SIPA1L1: variants seen among roughly 807,000 people sequenced by gnomAD.
SIPA1L1 encodes signal-induced proliferation-associated 1-like protein 1.
A neutral mutation model predicts 162.7 loss-of-function variants in SIPA1L1; 26 were observed. The ratio of observed to expected loss-of-function variants is 0.16; its 90% CI spans 0.12 to 0.22. SIPA1L1 has a LOEUF of 0.22. Ranked by LOEUF, SIPA1L1 falls within the 10% of genes least tolerant of loss-of-function variation. SIPA1L1 has a pLI of 1.00. For missense variants in SIPA1L1, 1,874 were observed against 2,241.0 expected (o/e 0.84, Z 3.31); for synonymous variants, 829 against 837.4 (o/e 0.99, Z 0.17).
chr14:71,468,916 G>A (rs2047233268), intron 2 of SIPA1L1, among the ~76,000 whole-genome samples: 1 of 152,050 alleles, frequency 6.6e-6, no homozygotes, highest in African/African-American at 2.4e-5. Context: ...ATTCATTTTG[G>A]ATGAGTTCTA....
chr14:71,462,107 A>G (rs1045453164), intron 2 of SIPA1L1, among the ~76,000 whole-genome samples: 8 of 152,184 alleles, frequency 5.3e-5, no homozygotes, highest in Non-Finnish European at 1.0e-4. Context: ...AAGGCACCCA[A>G]TTCATGATAG....
rs561593952 is a variant in SIPA1L1 at position 71,439,924 on chromosome 14, C to A, written c.-464-72819C>A. ...GGTTGACTTATTTTTAGAAGCCACT[C>A]CCTATTAACTCATTTAATTCCTGTT... On this transcript the variant is annotated intron_variant, in intron 2 of 23. Transcript: ENST00000381232. Among the ~76,000 whole-genome samples the A allele has an allele frequency of 6.7e-4, 102 of 152,238 alleles. 1 individual carries two copies. Among genetic ancestry groups the A allele is most frequent in the Non-Finnish European group, 1.3e-3 (90 of 68,024 alleles).
chr14:71,564,239 A>G (rs963757815), intron 4 of SIPA1L1, among the ~76,000 whole-genome samples: 1 of 152,130 alleles, frequency 6.6e-6, no homozygotes, highest in Non-Finnish European at 1.5e-5. Flanking sequence ...ATGAGCTGCA[A>G]TATCTGGCCT....
At chr14:71,378,683 A>AT (rs909447073) in intron 2 of SIPA1L1, among the ~76,000 whole-genome samples, 281 of 145,238 alleles carry the variant, frequency 1.9e-3, no homozygotes, top group Non-Finnish European at 3.4e-3. Context: ...GTCATTCCTG[A>AT]TTTTTTTTTT....
chr14:71,468,206 G>A (rs2047180030), intron 2 of SIPA1L1, among the ~76,000 whole-genome samples: 1 of 152,058 alleles, frequency 6.6e-6, no homozygotes, highest in South Asian at 2.1e-4. Context: ...GAAATAAAAG[G>A]CATTGTCTCT....
chr14:71,733,955 C>T (rs1339875002), intron 21 of SIPA1L1, 143 bp downstream of exon 21: 1 of 853,642 alleles, frequency 1.2e-6, no homozygotes, highest in East Asian at 2.7e-5. Flanking sequence ...CAGTAGGGAC[C>T]AGACCCTAAG....
At chr14:71,417,055 T>C (rs1218008859) in intron 2 of SIPA1L1, among the ~76,000 whole-genome samples, 1 of 152,112 alleles carries the variant, frequency 6.6e-6, no homozygotes, top group Non-Finnish European at 1.5e-5. Context: ...CTGGCCTGCA[T>C]GTAACTTTCG....
intron 2 of SIPA1L1, among the ~76,000 whole-genome samples, chr14:71,375,475 A>G (rs1053229586): frequency 6.6e-6 from 1 of 152,072 alleles, no homozygotes; most frequent in Non-Finnish European, 1.5e-5. Context: ...TTCATTTCTT[A>G]TAATAGTGTA....
At chr14:71,590,034 AAAAAAAAAAAATATATATAT>A (rs1234872281) in intron 5 of SIPA1L1, among the ~76,000 whole-genome samples, 2 of 72,714 alleles carry the variant, frequency 2.8e-5, no homozygotes, top group Admixed American at 1.5e-4. Context: ...AAAAAAAAAA[AAAAAAAAAAAATATATATAT>A]ATATATATAT....
chr14:71,590,040 A>ATATATATATATAT (rs2035135579), intron 5 of SIPA1L1, among the ~76,000 whole-genome samples: 1 of 64,680 alleles, frequency 1.5e-5, no homozygotes, highest in Non-Finnish European at 2.9e-5. Flanking sequence ...AAAAAAAAAA[A>ATATATATATATAT]AAAAATATAT....
intron 17 of SIPA1L1, among the ~76,000 whole-genome samples, chr14:71,718,706 TTATA>T (rs952065192): frequency 6.6e-6 from 1 of 152,202 alleles, no homozygotes; most frequent in African/African-American, 2.4e-5. Flanking sequence ...TTTTGGGACT[TTATA>T]TAATATAAAT....
intron 7 of SIPA1L1, among the ~76,000 whole-genome samples, chr14:71,632,987 CAACTT>C (rs1158429574): frequency 6.6e-6 from 1 of 152,054 alleles, no homozygotes; most frequent in African/African-American, 2.4e-5. Flanking sequence ...GGGAAAATCT[CAACTT>C]AAGGGAAAAT....
chr14:71,605,095 GA>G (rs1186522068), intron 5 of SIPA1L1, among the ~76,000 whole-genome samples: 19 of 151,298 alleles, frequency 1.3e-4, no homozygotes, highest in Non-Finnish European at 2.5e-4. Flanking sequence ...TGCAATTTTT[GA>G]CTGACTATGT....
chr14:71,613,226 T>A (rs1178263357), intron 5 of SIPA1L1, among the ~76,000 whole-genome samples: 1 of 152,204 alleles, frequency 6.6e-6, no homozygotes, highest in Non-Finnish European at 1.5e-5. Context: ...TTGTGTGTAA[T>A]GGCTAAGTAA....
At chr14:71,529,956 T>C (rs1271775272) in intron 4 of SIPA1L1, among the ~76,000 whole-genome samples, 1 of 152,218 alleles carries the variant, frequency 6.6e-6, no homozygotes, top group Non-Finnish European at 1.5e-5. Context: ...AGCTGCAGCA[T>C]TGTGGCTTCC....
chr14:71,653,731 C>T (rs374645389), intron 8 of SIPA1L1, among the ~76,000 whole-genome samples: 7 of 152,260 alleles, frequency 4.6e-5, no homozygotes, highest in East Asian at 3.9e-4. Flanking sequence ...GTATCAAGCA[C>T]TTCATTATGG....
At chr14:71,661,571 C>G in intron 10 of SIPA1L1, 104 bp downstream of exon 10, 1 of 1,233,858 alleles carries the variant, frequency 8.1e-7, no homozygotes, top group Non-Finnish European at 1.1e-6. Flanking sequence ...AAGTCTATTA[C>G]TATTTCTTTT....
chr14:71,475,005 C>G (rs1050678817), intron 2 of SIPA1L1, among the ~76,000 whole-genome samples: 1 of 152,090 alleles, frequency 6.6e-6, no homozygotes, highest in Non-Finnish European at 1.5e-5. Context: ...GCCACTCAGA[C>G]TAATAGAAAT....
At chr14:71,351,500 T>G (rs1389900896) in intron 2 of SIPA1L1, among the ~76,000 whole-genome samples, 1 of 152,196 alleles carries the variant, frequency 6.6e-6, no homozygotes, top group African/African-American at 2.4e-5. Flanking sequence ...TATGAGTCAG[T>G]AGGGTGGATA....
Sources: gnomAD v4.1 joint callset for allele counts (sites outside exome capture counted in the v4.1 genomes callset) on GRCh38, gnomAD v4.1.1 for gene constraint, MANE v1.5 for transcripts, NCBI Gene and HGNC (gene_info 2026-07-23, HGNC 2026-07-21) for gene names.